The following ZNF37A variants were observed in gnomAD, a reference collection of about 807,000 sequenced individuals.
ZNF37A encodes zinc finger protein 37a (KOX 21).
A neutral mutation model predicts 12.3 loss-of-function variants in ZNF37A; 10 were observed. The ratio of observed to expected loss-of-function variants is 0.82; its 90% CI spans 0.50 to 1.38. ZNF37A has a LOEUF of 1.38. Among genes scored for constraint, ZNF37A ranks in the 40% most tolerant of loss-of-function variants. The pLI, the probability that ZNF37A is intolerant of heterozygous loss-of-function variation, is 0.00. For missense variants in ZNF37A, 580 were observed against 651.2 expected, an observed-to-expected ratio of 0.89 and a Z score of 1.19; for synonymous variants, 207 against 223.0, an observed-to-expected ratio of 0.93 and a Z score of 0.64.
rs1554929974 is a variant in ZNF37A at position 38,112,802 on chromosome 10, T to TCTCGGTCTCGGTCTCGGTCTCGGTCTCG, written c.16-1953_16-1952insCTCGGTCTCGGTCTCGGTCTCGGTCTCG. On this transcript the variant is annotated intron_variant, in intron 5 of 7. Transcript: ENST00000685332. ...TTTCTTTTCTTTTCTTTTCTTGTCT[T>TCTCGGTCTCGGTCTCGGTCTCGGTCTCG]GTCTTGTCTTCTTTTCTTTTCTTTC... Among the ~76,000 whole-genome samples, 12 of 69,076 alleles carry TCTCGGTCTCGGTCTCGGTCTCGGTCTCG rather than the reference T, an allele frequency of 1.7e-4. 1 individual carries two copies. Among genetic ancestry groups the TCTCGGTCTCGGTCTCGGTCTCGGTCTCG allele is most frequent in the South Asian group, 3.4e-4 (1 of 2,926 alleles). 45.3% of individuals were successfully genotyped at this position (69,076 alleles called of 152,430 possible). A position where few individuals can be genotyped will look rare whatever the true frequency, so the allele number is the denominator to read the frequency against.
chr10:38,099,785 T>C (rs747019593), intron 5 of ZNF37A, among the ~76,000 whole-genome samples: 9 of 152,212 alleles, frequency 5.9e-5, no homozygotes, highest in Non-Finnish European at 8.8e-5. Flanking sequence ...ACACTCGTTA[T>C]TTTCTTTTGT....
At chr10:38,112,565 C>CT (rs372900277) in intron 5 of ZNF37A, among the ~76,000 whole-genome samples, 8,734 of 144,462 alleles carry the variant, frequency 0.06, 272 homozygotes, top group African/African-American at 0.07. Context: ...CTCTCCTTAG[C>CT]TTTTTTTTTT....
intron 5 of ZNF37A, among the ~76,000 whole-genome samples, chr10:38,105,614 T>A (rs1339415995): frequency 6.6e-6 from 1 of 152,202 alleles, no homozygotes. Context: ...ACTTATCCCA[T>A]TCATGAAGGC....
At chr10:38,116,843 T>C (rs2136022540) in intron 7 of ZNF37A, among the ~76,000 whole-genome samples, 2 of 152,308 alleles carry the variant, frequency 1.3e-5, no homozygotes, top group Middle Eastern at 6.8e-3. Context: ...GTGCAGTGGC[T>C]CATGCCTGTA....
chr10:38,148,267 G>A (rs2136089157), exon 8 of ZNF37A: 1 of 152,236 alleles, frequency 6.6e-6, no homozygotes. Flanking sequence ...AGAATTAGGT[G>A]ACTTTGTCAC....
At chr10:38,117,314 C>T in intron 7 of ZNF37A, 76 bp from the exon 8 acceptor site, 1 of 1,516,634 alleles carries the variant, frequency 6.6e-7, no homozygotes, top group Non-Finnish European at 8.8e-7. Context: ...CTGAGCCATG[C>T]CTTCAAATAT....
exon 8 of ZNF37A, chr10:38,147,914 C>T (rs2070274800): frequency 6.6e-6 from 1 of 152,150 alleles, no homozygotes; most frequent in Admixed American, 6.5e-5. Context: ...AAAAGACTCT[C>T]CTTCAAAAAA....
chr10:38,099,431 C>A (rs992741575), intron 5 of ZNF37A, among the ~76,000 whole-genome samples: 11 of 152,154 alleles, frequency 7.2e-5, no homozygotes, highest in Admixed American at 7.2e-4. Flanking sequence ...CCTCAAGCTT[C>A]CTCAGTGTTG....
downstream of ZNF37A, among the ~76,000 whole-genome samples, chr10:38,126,167 A>C (rs2136071142): frequency 6.6e-6 from 1 of 152,288 alleles, no homozygotes; most frequent in South Asian, 2.1e-4. Flanking sequence ...GAAATTTAAC[A>C]TTTGTCATCT....
intron 6 of ZNF37A, 32 bp downstream of exon 6, chr10:38,114,913 C>G (rs771945449): frequency 8.8e-6 from 14 of 1,586,972 alleles, no homozygotes; most frequent in Non-Finnish European, 1.2e-5. Context: ...TGTAGAAGGC[C>G]AGAATGCATG....
rs757523734 is a variant in ZNF37A, at chr10:38,096,605, A to G, written c.-13A>G. On this transcript the variant is annotated 5_prime_UTR_variant, in exon 5 of 8. Transcript: ENST00000685332. ...CCTCACAGTTTGCTCTGCTCTTCCA[A>G]CACCAGTGGAAGATGATCACATCCC... The G allele has an allele frequency of 9.3e-6, 15 of 1,612,316 alleles. No homozygotes were observed. Among genetic ancestry groups the G allele is most frequent in the Admixed American group, 1.7e-5 (1 of 59,672 alleles).
At chr10:38,147,507 ATT>A (rs934680360) in exon 8 of ZNF37A, 3 of 152,222 alleles carry the variant, frequency 2.0e-5, no homozygotes, top group Non-Finnish European at 2.9e-5. Flanking sequence ...AAATAATAAG[ATT>A]TATTCAGAGT....
chr10:38,095,726 C>T lies in ZNF37A; in HGVS notation c.-105-18C>T, dbSNP rs991094962. ...CGTGTTAAGTTACTGATGACATTGA[C>T]ACATTTTGTTGTGGCAGAGTCAAGA... is the stretch of plus-strand genomic sequence containing the variant. On this transcript the variant is annotated intron_variant, in intron 3 of 7. Transcript: ENST00000685332. 5.9e-5 allele frequency: 9 copies of T among 152,206 alleles called. No individual in the cohort carries two copies. The highest frequency in any genetic ancestry group is 1.9e-4 in the African/African-American group (8 of 41,434). 9.4% of individuals were successfully genotyped at this position (152,206 alleles called of 1,614,324 possible). A position where few individuals can be genotyped will look rare whatever the true frequency, so the allele number is the denominator to read the frequency against.
At chr10:38,110,481 A>G (rs1415101576) in intron 5 of ZNF37A, among the ~76,000 whole-genome samples, 2 of 152,248 alleles carry the variant, frequency 1.3e-5, no homozygotes, top group Non-Finnish European at 2.9e-5. Flanking sequence ...CAAAATTGAC[A>G]AATGGGATCT....
chr10:38,145,213 AG>A, intron 7 of ZNF37A, among the ~76,000 whole-genome samples: 2 of 114,540 alleles, frequency 1.7e-5, no homozygotes, highest in Middle Eastern at 4.6e-3. Flanking sequence ...AAGCGGATCC[AG>A]GGAAAAAAAG....
chr10:38,123,274 TA>T lies in ZNF37A; in HGVS notation c.*4440del, dbSNP rs1446518778. ...GTATTAAAATATCTCATGTACCCCA[TA>T]AACATATACACCTACTTTGTACCCA... On this transcript the variant is annotated 3_prime_UTR_variant, in exon 8 of 8. Transcript: ENST00000685332. The T allele has an allele frequency of 2.6e-5, 4 of 152,164 alleles. No individual in the cohort carries two copies. Among genetic ancestry groups the T allele is most frequent in the Non-Finnish European group, 5.9e-5 (4 of 68,020 alleles). 9.4% of individuals were successfully genotyped at this position (152,164 alleles called of 1,614,324 possible).
At position 38,112,750 on chromosome 10, in the gene ZNF37A, CTTTTCTTTTCTTTTCTTTTCTTTTCTTT is replaced by C. The variant is rs2068852710; in HGVS notation, c.16-2003_16-1976del. 8.4e-5 allele frequency among the ~76,000 whole-genome samples: 4 copies of C among 47,352 alleles called. 1 individual carries two copies. Among genetic ancestry groups the C allele is most frequent in the Non-Finnish European group, 1.8e-4 (4 of 22,600 alleles). 31.1% of individuals were successfully genotyped at this position (47,352 alleles called of 152,430 possible). On this transcript the variant is annotated intron_variant, in intron 5 of 7. Coordinates refer to ENST00000685332, the MANE Select transcript of ZNF37A (RefSeq NM_001324250.3). ...CATCCATTTTCTTTTCTTTTCTTTT[CTTTTCTTTTCTTTTCTTTTCTTTTCTTT>C]TCTTTTCTTTTCTTTTCTTGTCTTG...
At position 38,120,981 on chromosome 10, in the gene ZNF37A, G is replaced by A. The variant is rs1341314207; in HGVS notation, c.*2144G>A. 6.6e-6 allele frequency: 1 copy of A among 152,160 alleles called. No individual in the cohort carries two copies. The highest frequency in any genetic ancestry group is 2.4e-5 in the African/African-American group (1 of 41,448). 9.4% of individuals were successfully genotyped at this position (152,160 alleles called of 1,614,324 possible). On this transcript the variant is annotated 3_prime_UTR_variant, in exon 8 of 8. Transcript: ENST00000685332. ...CATCAGTAAAAGCCCTGGAAACAAG[G>A]TCATACTAGAGATTGGTTGTGCCTT...
chr10:38,118,030 C>T lies in ZNF37A; in HGVS notation c.879C>T (p.His293=). Residue 293 remains histidine, a synonymous_variant, in exon 8 of 8, where the codon CAC becomes CAT. Coordinates refer to ENST00000685332, the MANE Select transcript of ZNF37A (RefSeq NM_001324250.3). The part of the protein sequence containing the change: ...KSAHTRHQRT[H]TGGKPYECHE... Reference sequence around the variant, plus strand: ...CCCACACAAGACATCAGAGAACACACACAGGGGGAAAACCCTATGAATGTC... The same window carrying T: ...CCCACACAAGACATCAGAGAACACATACAGGGGGAAAACCCTATGAATGTC... The T allele has an allele frequency of 6.2e-7, 1 of 1,614,056 alleles. No individual in the cohort carries two copies. Among genetic ancestry groups the T allele is most frequent in the Non-Finnish European group, 8.5e-7 (1 of 1,180,016 alleles).
Sources: gnomAD v4.1 joint callset for allele counts (sites outside exome capture counted in the v4.1 genomes callset) on GRCh38, gnomAD v4.1.1 for gene constraint, MANE v1.5 for transcripts, NCBI Gene and HGNC (gene_info 2026-07-23, HGNC 2026-07-21) for gene names.